The following SAMMSON variants were observed in gnomAD, a reference collection of about 807,000 sequenced individuals.
SAMMSON encodes the protein long intergenic non-protein coding RNA 1212.
At chr3:70,352,252 T>C (rs2106735414) in intron 7 of SAMMSON, among the ~76,000 whole-genome samples, 1 of 152,106 alleles carries the variant, frequency 6.6e-6, no homozygotes, top group Admixed American at 6.5e-5. Flanking sequence ...AAAAAAATCT[T>C]GAAAGGAGTG....
Position 70,051,071 on chromosome 3 carries a change from G to T in SAMMSON, n.418-20405G>T, listed in dbSNP as rs112412986. Among the ~76,000 whole-genome samples, 559 of 139,658 alleles carry T rather than the reference G, an allele frequency of 4.0e-3. 6 individuals carry two copies. The highest frequency in any genetic ancestry group is 0.014 in the African/African-American group (537 of 37,498). 91.6% of individuals were successfully genotyped at this position (139,658 alleles called of 152,430 possible). On this transcript the variant is annotated intron_variant and non_coding_transcript_variant, in intron 3 of 9. Coordinates refer to ENST00000642114, the Ensembl canonical transcript of SAMMSON. Reference sequence around the variant, plus strand: ...GATTGCTTGAACCCAGGAGATGGAGGTTGGAGTGAGCCAAGATTGCACCAC... The same window carrying T: ...GATTGCTTGAACCCAGGAGATGGAGTTTGGAGTGAGCCAAGATTGCACCAC...
At chr3:70,301,264 C>G (rs1329604544) in intron 7 of SAMMSON, among the ~76,000 whole-genome samples, 1 of 152,014 alleles carries the variant, frequency 6.6e-6, no homozygotes, top group African/African-American at 2.4e-5. Flanking sequence ...AACAAAAACA[C>G]TTTTTAAATT....
chr3:70,339,700 C>G lies in SAMMSON; in HGVS notation n.740-14475C>G, dbSNP rs528633070. Among the ~76,000 whole-genome samples, 39 of 152,124 alleles carry G rather than the reference C, an allele frequency of 2.6e-4. No individual in the cohort carries two copies. In the East Asian group the frequency reaches 3.7e-3, roughly 14 times the overall value. Reference sequence around the variant, plus strand: ...AGAGAAATGCAAATCAAAACCACAACGAGATACCATCTCACACCAGTTAGA... The same window carrying G: ...AGAGAAATGCAAATCAAAACCACAAGGAGATACCATCTCACACCAGTTAGA... On this transcript the variant is annotated intron_variant and non_coding_transcript_variant, in intron 7 of 9. Coordinates refer to ENST00000642114, the Ensembl canonical transcript of SAMMSON.
At chr3:70,004,196 C>T (rs1016365479) in intron 1 of SAMMSON, among the ~76,000 whole-genome samples, 1 of 152,008 alleles carries the variant, frequency 6.6e-6, no homozygotes, top group Non-Finnish European at 1.5e-5. Flanking sequence ...TAAGTTAGCT[C>T]ACATAAAGTT....
At chr3:70,122,858 C>A (rs1006743723) in intron 4 of SAMMSON, among the ~76,000 whole-genome samples, 2 of 152,102 alleles carry the variant, frequency 1.3e-5, no homozygotes, top group Non-Finnish European at 2.9e-5. Flanking sequence ...AATTGTCTGC[C>A]AAATTTTTCC....
At chr3:70,089,709 G>A (rs561630220) in intron 4 of SAMMSON, among the ~76,000 whole-genome samples, 22 of 151,944 alleles carry the variant, frequency 1.4e-4, no homozygotes, top group Admixed American at 9.2e-4. Flanking sequence ...AAGGTGTTTC[G>A]GTAGGGGCCA....
chr3:70,282,703 C>T (rs1702100848), intron 6 of SAMMSON, among the ~76,000 whole-genome samples: 1 of 152,176 alleles, frequency 6.6e-6, no homozygotes, highest in African/African-American at 2.4e-5. Flanking sequence ...TCCTCGACTA[C>T]CTTGTCTATG....
rs1269606423 is a variant in SAMMSON at position 70,097,696 on chromosome 3, A to C, written n.507+26131A>C. Among the ~76,000 whole-genome samples the C allele has an allele frequency of 2.0e-5, 3 of 152,196 alleles. No homozygotes were observed. The South Asian group carries it at 6.2e-4, about 31-fold the overall frequency. On this transcript the variant is annotated intron_variant and non_coding_transcript_variant, in intron 4 of 9. Transcript: ENST00000642114. Reference sequence around the variant, plus strand: ...GGGATTATATTTTTGACTTTCTCCTATGTGACATATATCTGGTCACATATT... The same window carrying C: ...GGGATTATATTTTTGACTTTCTCCTCTGTGACATATATCTGGTCACATATT...
Position 70,299,384 on chromosome 3 carries a change from G to A in SAMMSON, n.739+8141G>A, listed in dbSNP as rs190201759. On this transcript the variant is annotated intron_variant and non_coding_transcript_variant, in intron 7 of 9. Coordinates refer to ENST00000642114, the Ensembl canonical transcript of SAMMSON. ...TGTACAGTGGCTATCTATGCATGTG[G>A]GAATTGAGAATAATTTTTTTCCATT... is the stretch of plus-strand genomic sequence containing the variant. 7.9e-5 allele frequency among the ~76,000 whole-genome samples: 12 copies of A among 152,102 alleles called. No individual in the cohort carries two copies. In the East Asian group the frequency reaches 2.3e-3, roughly 29 times the overall value.
chr3:70,264,492 A>C (rs759335718), intron 6 of SAMMSON, among the ~76,000 whole-genome samples: 3 of 152,266 alleles, frequency 2.0e-5, no homozygotes, highest in African/African-American at 4.8e-5. Flanking sequence ...CATGACCAGC[A>C]TATTCTCTCC....
At chr3:70,173,538 T>C (rs1398870201) in intron 4 of SAMMSON, among the ~76,000 whole-genome samples, 1 of 151,966 alleles carries the variant, frequency 6.6e-6, no homozygotes, top group Non-Finnish European at 1.5e-5. Context: ...CCTTGATCTT[T>C]ACCTCATCTG....
chr3:70,361,928 T>A, intron 9 of SAMMSON, among the ~76,000 whole-genome samples: 1 of 152,316 alleles, frequency 6.6e-6, no homozygotes, highest in East Asian at 1.9e-4. Context: ...CAGGATTACC[T>A]AGAGCAGAGG....
intron 9 of SAMMSON, among the ~76,000 whole-genome samples, chr3:70,367,560 C>A (rs1156760578): frequency 1.3e-5 from 2 of 151,498 alleles, no homozygotes; most frequent in Non-Finnish European, 3.0e-5. Flanking sequence ...AGGATTTCAT[C>A]ATTTTTTATG....
chr3:70,382,636 C>T (rs528684437), intron 9 of SAMMSON, among the ~76,000 whole-genome samples: 1 of 147,894 alleles, frequency 6.8e-6, no homozygotes, highest in Non-Finnish European at 1.5e-5. Flanking sequence ...GATAGCAATT[C>T]TGTACACTAG....
At chr3:70,415,265 C>A in intron 2 of SAMMSON, among the ~76,000 whole-genome samples, 1 of 152,206 alleles carries the variant, frequency 6.6e-6, no homozygotes. Flanking sequence ...TTCTGTCAAG[C>A]GCATGTTGCC....
At chr3:70,082,887 G>A (rs2067271965) in intron 4 of SAMMSON, among the ~76,000 whole-genome samples, 2 of 152,202 alleles carry the variant, frequency 1.3e-5, no homozygotes, top group Admixed American at 1.3e-4. Context: ...CCATTTCTCA[G>A]ATGTAGAAAC....
chr3:70,187,229 AT>A (rs758448538), intron 4 of SAMMSON, among the ~76,000 whole-genome samples: 36 of 152,174 alleles, frequency 2.4e-4, no homozygotes, highest in Non-Finnish European at 4.6e-4. Flanking sequence ...TGCCAATTTC[AT>A]TAAAGGGTGC....
At chr3:70,115,060 A>C (rs2067404906) in intron 4 of SAMMSON, among the ~76,000 whole-genome samples, 1 of 152,072 alleles carries the variant, frequency 6.6e-6, no homozygotes, top group African/African-American at 2.4e-5. Flanking sequence ...ACATTGCAGA[A>C]TATGCCTTAT....
At chr3:70,290,804 G>T (rs1325405383) in intron 6 of SAMMSON, among the ~76,000 whole-genome samples, 2 of 152,126 alleles carry the variant, frequency 1.3e-5, no homozygotes, top group Non-Finnish European at 2.9e-5. Context: ...CAGTATTCGG[G>T]TGGGAGTGAC....
Sources: gnomAD v4.1 joint callset for allele counts (sites outside exome capture counted in the v4.1 genomes callset) on GRCh38, gnomAD v4.1.1 for gene constraint, MANE v1.5 for transcripts, NCBI Gene and HGNC (gene_info 2026-07-23, HGNC 2026-07-21) for gene names.